The following FSTL4 variants were observed in gnomAD, a reference collection of about 807,000 sequenced individuals.
The protein encoded by FSTL4 is follistatin like 4.
A neutral mutation model predicts 78.2 loss-of-function variants in FSTL4; 28 were observed. The observed-to-expected ratio is 0.36, with a 90% CI of 0.27 to 0.49. The LOEUF is 0.49. Ranked by LOEUF, FSTL4 falls within the 20% of genes least tolerant of loss-of-function variation. The pLI is 0.98. For synonymous variants in FSTL4, 422 were observed against 440.5 expected (o/e 0.96, Z 0.53); for missense variants, 922 against 1,084.9 (o/e 0.85, Z 2.11).
chr5:133,767,388 G>A, the FSTL4 span, among the ~76,000 whole-genome samples: 2 of 152,194 alleles, frequency 1.3e-5, no homozygotes, highest in African/African-American at 2.4e-5. Flanking sequence ...ATTGGCACCT[G>A]GAAGGTGGAG....
At chr5:133,203,032 C>G (rs1750380695) in intron 14 of FSTL4, among the ~76,000 whole-genome samples, 1 of 152,348 alleles carries the variant, frequency 6.6e-6, no homozygotes, top group Admixed American at 6.5e-5. Flanking sequence ...GCTAGTGAGG[C>G]CCAAGCCAGC....
intron 3 of FSTL4, among the ~76,000 whole-genome samples, chr5:133,473,025 T>C (rs1008174530): frequency 1.3e-5 from 2 of 152,244 alleles, no homozygotes; most frequent in Non-Finnish European, 2.9e-5. Flanking sequence ...GCAAAGGCTA[T>C]TGTGACTCCT....
the FSTL4 span, among the ~76,000 whole-genome samples, chr5:133,656,997 CAA>C: frequency 6.6e-6 from 1 of 152,102 alleles, no homozygotes; most frequent in South Asian, 2.1e-4. Flanking sequence ...AAGTGAAAGA[CAA>C]GAGTCATTGA....
chr5:133,380,625 A>G (rs954820318), intron 4 of FSTL4, among the ~76,000 whole-genome samples: 3 of 151,886 alleles, frequency 2.0e-5, no homozygotes, highest in Non-Finnish European at 4.4e-5. Context: ...TTCTTCATAA[A>G]CTCTTCCACA....
chr5:133,798,366 C>G, the FSTL4 span, among the ~76,000 whole-genome samples: 3 of 152,092 alleles, frequency 2.0e-5, no homozygotes, highest in African/African-American at 7.2e-5. Flanking sequence ...ATGAAGGGAG[C>G]TGTGATTCTC....
chr5:133,464,253 G>A (rs1028709441), intron 3 of FSTL4, among the ~76,000 whole-genome samples: 2 of 152,164 alleles, frequency 1.3e-5, no homozygotes, highest in African/African-American at 2.4e-5. Context: ...GGCCAGGTGC[G>A]GCAGTGGAGG....
chr5:133,692,296 A>G, the FSTL4 span, among the ~76,000 whole-genome samples: 1 of 152,180 alleles, frequency 6.6e-6, no homozygotes, highest in Non-Finnish European at 1.5e-5. Flanking sequence ...GAGTGGACGA[A>G]ACAGAGGCCA....
the FSTL4 span, among the ~76,000 whole-genome samples, chr5:133,722,492 A>G: frequency 2.0e-5 from 3 of 152,152 alleles, no homozygotes; most frequent in Non-Finnish European, 4.4e-5. Context: ...CAGACCATGA[A>G]TTGTTTTCCT....
chr5:133,751,064 G>C, the FSTL4 span, among the ~76,000 whole-genome samples: 1 of 151,368 alleles, frequency 6.6e-6, no homozygotes, highest in African/African-American at 2.4e-5. Flanking sequence ...GCCACCCTAC[G>C]TGCACCCCAC....
At chr5:133,690,952 C>G in the FSTL4 span, among the ~76,000 whole-genome samples, 2 of 152,168 alleles carry the variant, frequency 1.3e-5, no homozygotes, top group African/African-American at 2.4e-5. Context: ...ATGCTGTCTC[C>G]CAGAGAGCTC....
chr5:133,719,038 G>T, the FSTL4 span, among the ~76,000 whole-genome samples: 1 of 152,172 alleles, frequency 6.6e-6, no homozygotes, highest in Non-Finnish European at 1.5e-5. Context: ...CTGGATGACT[G>T]CTTCACTTTT....
At chr5:133,250,328 G>C (rs1217721400) in intron 6 of FSTL4, among the ~76,000 whole-genome samples, 2 of 152,174 alleles carry the variant, frequency 1.3e-5, no homozygotes, top group Non-Finnish European at 2.9e-5. Context: ...TCAAACTCAG[G>C]CTGCTCAAAT....
intron 3 of FSTL4, among the ~76,000 whole-genome samples, chr5:133,457,285 C>T (rs1331195925): frequency 6.6e-6 from 1 of 152,168 alleles, no homozygotes; most frequent in East Asian, 1.9e-4. Context: ...ACAGCATGCG[C>T]ACGTTAACCT....
At chr5:133,521,980 G>A (rs970050969) in intron 3 of FSTL4, among the ~76,000 whole-genome samples, 6 of 152,186 alleles carry the variant, frequency 3.9e-5, no homozygotes, top group South Asian at 2.1e-4. Flanking sequence ...AGAATTAGAT[G>A]ATGTAAAGCT....
At chr5:133,642,211 T>C in the FSTL4 span, among the ~76,000 whole-genome samples, 7 of 152,172 alleles carry the variant, frequency 4.6e-5, no homozygotes, top group Non-Finnish European at 2.9e-5. Context: ...CAACCTCTTT[T>C]GGCACTTACA....
chr5:133,523,229 C>T (rs1759021526), intron 3 of FSTL4, among the ~76,000 whole-genome samples: 1 of 152,282 alleles, frequency 6.6e-6, no homozygotes, highest in Middle Eastern at 3.4e-3. Flanking sequence ...AGGAGAGAGG[C>T]CTCACCAATC....
chr5:133,257,780 T>C (rs1260973756), intron 6 of FSTL4, among the ~76,000 whole-genome samples: 1 of 152,106 alleles, frequency 6.6e-6, no homozygotes, highest in Non-Finnish European at 1.5e-5. Flanking sequence ...GTGTGTGGGG[T>C]AGCCTTGGTC....
intron 4 of FSTL4, among the ~76,000 whole-genome samples, chr5:133,400,346 C>G (rs1161131893): frequency 4.6e-5 from 7 of 152,208 alleles, no homozygotes; most frequent in Non-Finnish European, 1.0e-4. Context: ...TGACCACATT[C>G]TATGCACAGC....
chr5:133,560,869 G>A (rs868303936), intron 3 of FSTL4, among the ~76,000 whole-genome samples: 31 of 151,274 alleles, frequency 2.0e-4, no homozygotes, highest in Middle Eastern at 3.4e-3. Flanking sequence ...GGCAGATCAC[G>A]AGGTCAGGAG....
Sources: gnomAD v4.1 joint callset for allele counts (sites outside exome capture counted in the v4.1 genomes callset) on GRCh38, gnomAD v4.1.1 for gene constraint, MANE v1.5 for transcripts, NCBI Gene and HGNC (gene_info 2026-07-23, HGNC 2026-07-21) for gene names.